ATAD2B: variants seen among roughly 807,000 people sequenced by gnomAD.
ATAD2B encodes ATPase family AAA domain-containing protein 2B.
Under a neutral mutation model 167.6 loss-of-function variants are expected in ATAD2B, and 40 were observed. The observed-to-expected ratio is 0.24, with a 90% CI of 0.19 to 0.31. The LOEUF is 0.31. Ranked by LOEUF, ATAD2B falls within the 10% of genes least tolerant of loss-of-function variation. The probability of loss-of-function intolerance (pLI) is 1.00; values close to 1 mark genes in which losing one functional copy is unlikely to be tolerated. For missense variants in ATAD2B, 1,242 were observed against 1,757.2 expected (o/e 0.71, Z 5.24); for synonymous variants, 579 against 596.5 (o/e 0.97, Z 0.43).
At position 23,762,345 on chromosome 2, in the gene ATAD2B, G is replaced by A; in HGVS notation, c.3258C>T (p.Gly1086=). 1 of 1,610,980 alleles carries A rather than the reference G, an allele frequency of 6.2e-7. No individual in the cohort carries two copies. Among genetic ancestry groups the A allele is most frequent in the Non-Finnish European group, 8.5e-7 (1 of 1,178,690 alleles). ...TTATTTGTTCTGATGTTACTGATAAGCCTGCAAGCAGAAGATAAGCAATAC... is the reference window on the plus strand; with the variant it reads ...TTATTTGTTCTGATGTTACTGATAAACCTGCAAGCAGAAGATAAGCAATAC... ...EEIKEARIKR[G]LSVTSEQINP... is the part of the protein sequence containing the mutation. Residue 1086 remains glycine (G), a splice_region_variant and synonymous_variant, in exon 24 of 28, where the codon GGC becomes GGT. Transcript: ENST00000238789.
chr2:23,926,713 C>T lies in ATAD2B; in HGVS notation c.58G>A (p.Gly20Arg). 6.5e-7 allele frequency: 1 copy of T among 1,549,928 alleles called. No individual in the cohort carries two copies. Among genetic ancestry groups the T allele is most frequent in the African/African-American group, 1.4e-5 (1 of 73,022 alleles). The change falls in exon 1 of 28, where the codon GGG (glycine) becomes AGG (arginine). Residue 20 changes from glycine (G) to arginine (R), a missense_variant. Coordinates refer to ENST00000238789, the MANE Select transcript of ATAD2B (RefSeq NM_017552.4). ...TCTGCTCCGGCCCCAGGCCCAGGCC[C>T]GGGACCAGGAGACTTGGACCCGAGA... ...RLLGSKSPGP[G>R]PGPGAGAEPG... is the part of the protein sequence containing the mutation.
intron 1 of ATAD2B, among the ~76,000 whole-genome samples, chr2:23,900,440 A>C (rs1163184062): frequency 6.6e-6 from 1 of 152,160 alleles, no homozygotes; most frequent in East Asian, 1.9e-4. Flanking sequence ...AGTGTGCATT[A>C]AAGGTCATCT....
At chr2:23,703,505 G>T in the ATAD2B span, 4 of 1,070,772 alleles carry the variant, frequency 3.7e-6, no homozygotes, top group Non-Finnish European at 5.2e-6. Context: ...TCTAGAGGGT[G>T]GCAGGAGTTG....
the ATAD2B span, chr2:23,693,513 C>G: frequency 6.5e-7 from 1 of 1,550,376 alleles, no homozygotes; most frequent in African/African-American, 1.4e-5. Flanking sequence ...AGAAGGACCC[C>G]GCGACACGCA....
rs750949198 is a variant in ATAD2B at position 23,835,121 on chromosome 2, G to T, written c.1569-1043C>A. Among the ~76,000 whole-genome samples, 82 of 152,156 alleles carry T rather than the reference G, an allele frequency of 5.4e-4. 4 individuals carry two copies. Among genetic ancestry groups the T allele is most frequent in the Non-Finnish European group, 4.4e-5 (3 of 68,020 alleles). On this transcript the variant is annotated intron_variant, in intron 13 of 27. Transcript: ENST00000238789. Reference sequence around the variant, plus strand: ...TGACTGATGGGTGGGAATGTAAAATGATGTTCCTCTTTGGAAAAAGAGTAT... The same window carrying T: ...TGACTGATGGGTGGGAATGTAAAATTATGTTCCTCTTTGGAAAAAGAGTAT...
the ATAD2B span, among the ~76,000 whole-genome samples, chr2:23,682,702 G>A: frequency 3.9e-4 from 58 of 149,286 alleles, no homozygotes; most frequent in East Asian, 0.01. This position sits in a 1 kb window ranked among gnomAD's most constrained non-coding sequence, Gnocchi z 4.1. Flanking sequence ...ACCCTCCCGC[G>A]CCCTCCCACT....
chr2:23,695,739 G>A, the ATAD2B span: 1 of 1,551,476 alleles, frequency 6.4e-7, no homozygotes, highest in African/African-American at 1.4e-5. The surrounding 1 kb of genome is among the most constrained non-coding windows in gnomAD (Gnocchi z 7.6). Context: ...GGGACCTGGT[G>A]AACGAGGCCA....
chr2:23,725,166 T>C, the ATAD2B span, among the ~76,000 whole-genome samples: 1 of 152,116 alleles, frequency 6.6e-6, no homozygotes, highest in East Asian at 1.9e-4. Context: ...AATAACATTT[T>C]AAAGTGCTGA....
chr2:23,801,573 C>A (rs1254904880), intron 18 of ATAD2B, among the ~76,000 whole-genome samples: 2 of 151,932 alleles, frequency 1.3e-5, no homozygotes, highest in Non-Finnish European at 2.9e-5. Flanking sequence ...ACATGACCAG[C>A]ACTCTTGCAC....
At chr2:23,916,743 A>G (rs182172146) in intron 1 of ATAD2B, among the ~76,000 whole-genome samples, 1 of 152,332 alleles carries the variant, frequency 6.6e-6, no homozygotes, top group East Asian at 1.9e-4. Flanking sequence ...CTTCAGATAT[A>G]ATGATTAAAC....
chr2:23,813,086 C>T (rs1255759253), intron 17 of ATAD2B, among the ~76,000 whole-genome samples: 1 of 151,784 alleles, frequency 6.6e-6, no homozygotes, highest in Non-Finnish European at 1.5e-5. Context: ...GGTTCTGAAC[C>T]CACTATGTTA....
the ATAD2B span, chr2:23,697,241 C>CAT: frequency 8.3e-4 from 127 of 152,310 alleles, 1 homozygote; most frequent in African/African-American, 3.0e-3. Flanking sequence ...TGGGTGCTTC[C>CAT]GGATGAGAAT....
chr2:23,841,114 T>TG (rs1343854552), intron 13 of ATAD2B, among the ~76,000 whole-genome samples: 1 of 149,594 alleles, frequency 6.7e-6, no homozygotes, highest in Admixed American at 6.7e-5. Context: ...TTTTTTTTTT[T>TG]TTTTTGTACA....
the ATAD2B span, among the ~76,000 whole-genome samples, chr2:23,683,307 C>T: frequency 6.6e-6 from 1 of 152,250 alleles, no homozygotes; most frequent in Non-Finnish European, 1.5e-5. Context: ...TGAAGACAGT[C>T]TAGGTCATTC....
At chr2:23,680,264 A>G in the ATAD2B span, among the ~76,000 whole-genome samples, 2 of 151,840 alleles carry the variant, frequency 1.3e-5, no homozygotes, top group African/African-American at 4.8e-5. This position sits in a 1 kb window ranked among gnomAD's most constrained non-coding sequence, Gnocchi z 4.1. Context: ...GGAGGGGAGG[A>G]GTCTGGGGAA....
At position 23,769,949 on chromosome 2, in the gene ATAD2B, G is replaced by A. The variant is rs979205824; in HGVS notation, c.3134-4321C>T. 3.3e-5 allele frequency among the ~76,000 whole-genome samples: 5 copies of A among 151,588 alleles called. No individual in the cohort carries two copies. In the South Asian group the frequency reaches 1.0e-3, roughly 32 times the overall value. Reference sequence around the variant, plus strand: ...TCCACCCACCTTGGCCTCCCAAAGTGCTAGGATTACAGGCGTGAGCAACTG... The same window carrying A: ...TCCACCCACCTTGGCCTCCCAAAGTACTAGGATTACAGGCGTGAGCAACTG... On this transcript the variant is annotated intron_variant, in intron 22 of 27. Coordinates refer to ENST00000238789, the MANE Select transcript of ATAD2B (RefSeq NM_017552.4).
chr2:23,695,609 C>A, the ATAD2B span: 2 of 1,541,112 alleles, frequency 1.3e-6, no homozygotes, highest in Non-Finnish European at 1.8e-6. This position sits in a 1 kb window ranked among gnomAD's most constrained non-coding sequence, Gnocchi z 7.6. Flanking sequence ...GATTCTGTCT[C>A]CTGTACCCTG....
the ATAD2B span, among the ~76,000 whole-genome samples, chr2:23,738,909 G>C: frequency 6.6e-6 from 1 of 152,090 alleles, no homozygotes. Flanking sequence ...CCTAGTCTCT[G>C]ATAAAACAGA....
At chr2:23,763,051 C>T (rs947417052) in intron 23 of ATAD2B, among the ~76,000 whole-genome samples, 2 of 152,174 alleles carry the variant, frequency 1.3e-5, no homozygotes, top group South Asian at 4.1e-4. Flanking sequence ...TATACAACTC[C>T]TTACTTCATA....
Sources: gnomAD v4.1 joint callset for allele counts (sites outside exome capture counted in the v4.1 genomes callset) on GRCh38, gnomAD v4.1.1 for gene constraint, Gnocchi (gnomAD v3.1) non-coding constraint, MANE v1.5 for transcripts, NCBI Gene and HGNC (gene_info 2026-07-23, HGNC 2026-07-21) for gene names.